Variants in FHL5 observed in about 807,000 individuals in gnomAD.
FHL5 encodes four and a half LIM domains 5, also known as four and a half LIM domains protein 5.
Under a neutral mutation model 32.0 loss-of-function variants are expected in FHL5, and 33 were observed. That is an observed-to-expected ratio of 1.03 (90% CI 0.78 to 1.38). The LOEUF (loss-of-function observed/expected upper bound fraction) is 1.38, where lower values mean the gene tolerates loss of function less well. Among genes scored for constraint, FHL5 ranks in the 40% most tolerant of loss-of-function variants. The pLI is 0.00. For synonymous variants in FHL5, 114 were observed against 113.6 expected (o/e 1.00, Z -0.02); for missense variants, 336 against 343.9 (o/e 0.98, Z 0.18).
rs561766212 is a variant in FHL5 at position 96,566,571 on chromosome 6, C to A, written c.-13+3216C>A. Among the ~76,000 whole-genome samples, 9 of 152,014 alleles carry A rather than the reference C, an allele frequency of 5.9e-5. No homozygotes were observed. The South Asian group carries it at 6.2e-4, about 11-fold the overall frequency. Reference sequence around the variant, plus strand: ...GTTCTATTTTTAATTTTTTGAGGAACCTTCAAACTGTTTTCCATAATGGGC... The same window carrying A: ...GTTCTATTTTTAATTTTTTGAGGAAACTTCAAACTGTTTTCCATAATGGGC... On this transcript the variant is annotated intron_variant, in intron 1 of 5. Transcript: ENST00000450218.
intron 1 of FHL5, among the ~76,000 whole-genome samples, chr6:96,578,354 C>A (rs1042039451): frequency 5.3e-5 from 8 of 151,998 alleles, no homozygotes; most frequent in African/African-American, 1.9e-4. Context: ...CTTAAGAAAA[C>A]AAGGTCATAA....
chr6:96,607,383 A>C (rs1055930489), intron 4 of FHL5, among the ~76,000 whole-genome samples: 2 of 150,144 alleles, frequency 1.3e-5, no homozygotes, highest in African/African-American at 5.0e-5. Flanking sequence ...TTCTATGCAC[A>C]CATATGTGAA....
At chr6:96,587,229 C>G (rs1317832079) in intron 1 of FHL5, among the ~76,000 whole-genome samples, 1 of 152,154 alleles carries the variant, frequency 6.6e-6, no homozygotes, top group Non-Finnish European at 1.5e-5. Context: ...TGCCCCTGCT[C>G]ATTTCTCTCA....
intron 1 of FHL5, among the ~76,000 whole-genome samples, chr6:96,601,992 A>T (rs1461203106): frequency 6.6e-6 from 1 of 152,172 alleles, no homozygotes. Flanking sequence ...TCTGCATTTC[A>T]TCTCTTTCCT....
Position 96,601,777 on chromosome 6 carries a change from T to G in FHL5, c.-12-1825T>G, listed in dbSNP as rs145945034. Among the ~76,000 whole-genome samples the G allele has an allele frequency of 9.7e-4, 147 of 152,320 alleles. 1 individual carries two copies. Among genetic ancestry groups the G allele is most frequent in the African/African-American group, 3.3e-3 (139 of 41,570 alleles). On this transcript the variant is annotated intron_variant, in intron 1 of 5. Transcript: ENST00000450218. ...TTTATTTCTATAAAGTGACAAACAC[T>G]TGATCGCTGTAAATGTGAATACAAC...
Position 96,607,558 on chromosome 6 carries a change from A to C in FHL5, c.504+1487A>C, listed in dbSNP as rs1771311189. ...AGAATTACAATTGATCACATGACAT[A>C]AAATAATCTTATGACTGAGACCTTC... On this transcript the variant is annotated intron_variant, in intron 4 of 5. Transcript: ENST00000450218. 2.6e-5 allele frequency among the ~76,000 whole-genome samples: 4 copies of C among 152,236 alleles called. No individual in the cohort carries two copies. In the South Asian group the frequency reaches 8.3e-4, roughly 31 times the overall value.
chr6:96,603,844 A>G, intron 2 of FHL5, 72 bp downstream of exon 2: 1 of 1,218,794 alleles, frequency 8.2e-7, no homozygotes, highest in South Asian at 1.4e-5. Flanking sequence ...GCCTCTTTTC[A>G]TTTAGTGTTG....
chr6:96,569,781 T>A (rs945979429), intron 1 of FHL5, among the ~76,000 whole-genome samples: 1 of 122,972 alleles, frequency 8.1e-6, no homozygotes, highest in African/African-American at 2.7e-5. Context: ...TCTATATGTG[T>A]CTTTTTAGGT....
chr6:96,612,598 C>T (rs920566417), intron 5 of FHL5, among the ~76,000 whole-genome samples: 25 of 151,986 alleles, frequency 1.6e-4, no homozygotes, highest in African/African-American at 9.7e-5. Context: ...GGAAAAACAA[C>T]GTTGTTCTGC....
chr6:96,575,231 A>C (rs1465413371), intron 1 of FHL5, among the ~76,000 whole-genome samples: 1 of 152,172 alleles, frequency 6.6e-6, no homozygotes, highest in Non-Finnish European at 1.5e-5. Context: ...CAACAAACAG[A>C]CCAAGAATAA....
chr6:96,600,317 A>G (rs1313155983), intron 1 of FHL5, among the ~76,000 whole-genome samples: 3 of 152,180 alleles, frequency 2.0e-5, no homozygotes, highest in Admixed American at 2.0e-4. Flanking sequence ...TAAAAGTTTC[A>G]AGATCCTTCT....
At chr6:96,567,429 C>T (rs79221539) in intron 1 of FHL5, among the ~76,000 whole-genome samples, 4,212 of 151,874 alleles carry the variant, frequency 0.028, 165 homozygotes, top group African/African-American at 0.096. Flanking sequence ...GTGATTTCTC[C>T]GGCTTTGTTC....
intron 1 of FHL5, among the ~76,000 whole-genome samples, chr6:96,565,709 TG>T (rs1770341561): frequency 6.6e-6 from 1 of 152,116 alleles, no homozygotes; most frequent in Admixed American, 6.6e-5. Flanking sequence ...GATGGTGGTG[TG>T]GAAGTGGAGT....
At chr6:96,605,775 T>G in intron 3 of FHL5, 127 bp from the exon 4 acceptor site, 1 of 805,470 alleles carries the variant, frequency 1.2e-6, no homozygotes, top group Non-Finnish European at 1.9e-6. Context: ...AAAAATACTA[T>G]TTTTCTAAAA....
chr6:96,565,057 C>T (rs549636841), intron 1 of FHL5, among the ~76,000 whole-genome samples: 8 of 151,986 alleles, frequency 5.3e-5, no homozygotes, highest in Non-Finnish European at 1.2e-4. Context: ...GGGTTCAAGA[C>T]CAGCTGGGGC....
At chr6:96,567,825 C>CTTT (rs757441385) in intron 1 of FHL5, among the ~76,000 whole-genome samples, 1,195 of 110,522 alleles carry the variant, frequency 0.011, 44 homozygotes, top group African/African-American at 0.035. Flanking sequence ...TTTTTGTATT[C>CTTT]TTTTTTTTTT....
At chr6:96,590,233 G>T (rs1770886172) in intron 1 of FHL5, among the ~76,000 whole-genome samples, 1 of 151,944 alleles carries the variant, frequency 6.6e-6, no homozygotes, top group Admixed American at 6.5e-5. Context: ...AAATGAAGGG[G>T]AAATAATACC....
chr6:96,589,532 G>A (rs1770871705), intron 1 of FHL5, among the ~76,000 whole-genome samples: 1 of 151,778 alleles, frequency 6.6e-6, no homozygotes, highest in African/African-American at 2.4e-5. Context: ...TTATTGGGTG[G>A]TCCATTTTTT....
chr6:96,596,576 C>T (rs1771039284), intron 1 of FHL5, among the ~76,000 whole-genome samples: 1 of 151,914 alleles, frequency 6.6e-6, no homozygotes, highest in South Asian at 2.1e-4. Context: ...TCTTTCCCAT[C>T]ACATAACATG....
Sources: gnomAD v4.1 joint callset for allele counts (sites outside exome capture counted in the v4.1 genomes callset) on GRCh38, gnomAD v4.1.1 for gene constraint, MANE v1.5 for transcripts, NCBI Gene and HGNC (gene_info 2026-07-23, HGNC 2026-07-21) for gene names.